Variants in FRMD6 observed in about 807,000 individuals in gnomAD.
FRMD6 encodes FERM domain-containing protein 6.
FRMD6 carries 37 observed loss-of-function variants against 73.2 expected under a neutral mutation model. That is an observed-to-expected ratio of 0.51 (90% confidence interval 0.39 to 0.66). FRMD6 has a LOEUF of 0.66. Ranked by LOEUF, FRMD6 falls within the 30% of genes least tolerant of loss-of-function variation. The pLI is 0.00. For missense variants in FRMD6, 714 were observed against 780.5 expected (o/e 0.91, Z 1.02); for synonymous variants, 273 against 282.2 (o/e 0.97, Z 0.33).
intron 2 of FRMD6, among the ~76,000 whole-genome samples, chr14:51,577,334 T>C (rs1393432546): frequency 6.6e-6 from 1 of 152,152 alleles, no homozygotes; most frequent in Non-Finnish European, 1.5e-5. Flanking sequence ...CTCAGCACTA[T>C]GGTTCTTACC....
chr14:51,586,727 A>G (rs1596662152), intron 2 of FRMD6, among the ~76,000 whole-genome samples: 1 of 54,854 alleles, frequency 1.8e-5, no homozygotes, highest in Non-Finnish European at 3.3e-5. Context: ...TCAGGTCTTT[A>G]CTTTATCTTA....
intron 1 of FRMD6, among the ~76,000 whole-genome samples, chr14:51,675,299 A>T (rs1417105656): frequency 6.6e-6 from 1 of 152,092 alleles, no homozygotes; most frequent in Admixed American, 6.6e-5. Context: ...TCTTGGATCC[A>T]TGTTTCTATG....
At chr14:51,470,297 T>C in the FRMD6 span, among the ~76,000 whole-genome samples, 1 of 152,168 alleles carries the variant, frequency 6.6e-6, no homozygotes, top group African/African-American at 2.4e-5. Context: ...GGTGGGCAGA[T>C]CACAAGGTCG....
At chr14:51,556,047 T>C (rs17586050) in intron 1 of FRMD6, among the ~76,000 whole-genome samples, 28,643 of 152,106 alleles carry the variant, frequency 0.19, 2,849 homozygotes, top group Middle Eastern at 0.31. Context: ...CCTTCAAAAC[T>C]AGGGCTAAGT....
At chr14:51,454,325 C>A in the FRMD6 span, among the ~76,000 whole-genome samples, 1 of 152,212 alleles carries the variant, frequency 6.6e-6, no homozygotes, top group East Asian at 1.9e-4. Context: ...TTGGTCAATG[C>A]AGAAAAAATA....
chr14:51,490,616 T>TTGTGTGTGTGTGTGTGTG (rs58046471), intron 1 of FRMD6, among the ~76,000 whole-genome samples: 5,016 of 148,058 alleles, frequency 0.034, 119 homozygotes, highest in Non-Finnish European at 0.046. Context: ...TGTGTGTATT[T>TTGTGTGTGTGTGTGTGTG]TGTGTGTGTG....
chr14:51,467,181 G>T, the FRMD6 span, among the ~76,000 whole-genome samples: 4 of 152,148 alleles, frequency 2.6e-5, no homozygotes. Context: ...TAAGGAGCAT[G>T]CTGCCTTCAA....
intron 2 of FRMD6, among the ~76,000 whole-genome samples, chr14:51,644,335 ATT>A: frequency 6.7e-6 from 1 of 149,060 alleles, no homozygotes; most frequent in East Asian, 1.9e-4. Context: ...TGCATCTCAG[ATT>A]TCTCTGCCTC....
chr14:51,414,030 C>T, the FRMD6 span, among the ~76,000 whole-genome samples: 1,411 of 152,130 alleles, frequency 9.3e-3, 22 homozygotes, highest in African/African-American at 0.032. Flanking sequence ...TTTGTTTAAG[C>T]CCTTTGTAGA....
intron 4 of FRMD6, among the ~76,000 whole-genome samples, chr14:51,701,961 G>A (rs1458658700): frequency 6.6e-6 from 1 of 151,970 alleles, no homozygotes; most frequent in Non-Finnish European, 1.5e-5. Context: ...AATTCACCTC[G>A]TGTTTCCAGA....
upstream of FRMD6, chr14:51,650,564 T>A (rs1241613767): frequency 6.6e-6 from 1 of 151,010 alleles, no homozygotes; most frequent in African/African-American, 2.4e-5. Flanking sequence ...CCCGGCTAAT[T>A]TTTTGTATTT....
chr14:51,545,605 A>G (rs988594291), intron 1 of FRMD6, among the ~76,000 whole-genome samples: 2 of 152,104 alleles, frequency 1.3e-5, no homozygotes, highest in Non-Finnish European at 2.9e-5. Context: ...GAGCCATTTT[A>G]CCAGCACACC....
intron 2 of FRMD6, among the ~76,000 whole-genome samples, chr14:51,608,434 A>C (rs11626565): frequency 0.1 from 15,585 of 152,234 alleles, 1,074 homozygotes; most frequent in Non-Finnish European, 0.15. Context: ...GTGAAGCTTA[A>C]GTAAGAGAAT....
intron 2 of FRMD6, among the ~76,000 whole-genome samples, chr14:51,586,793 G>C (rs1476392816): frequency 6.6e-6 from 1 of 151,774 alleles, no homozygotes; most frequent in East Asian, 1.9e-4. Context: ...ACCCAGGCTG[G>C]AGTGCAGTGG....
chr14:51,549,380 G>T (rs144967579), intron 1 of FRMD6, among the ~76,000 whole-genome samples: 4 of 152,072 alleles, frequency 2.6e-5, no homozygotes, highest in Non-Finnish European at 2.9e-5. Flanking sequence ...TACATGGCAG[G>T]CTAACAAAGT....
the FRMD6 span, among the ~76,000 whole-genome samples, chr14:51,479,574 A>G: frequency 6.6e-6 from 1 of 152,238 alleles, no homozygotes; most frequent in Non-Finnish European, 1.5e-5. Context: ...CTTCATCTGC[A>G]AAACAGGAAT....
At chr14:51,610,025 G>A (rs1890423339) in intron 2 of FRMD6, among the ~76,000 whole-genome samples, 1 of 152,118 alleles carries the variant, frequency 6.6e-6, no homozygotes, top group Admixed American at 6.5e-5. Flanking sequence ...TGTGGCTATA[G>A]AGTCATTTCT....
chr14:51,532,587 C>T (rs1885653161), intron 1 of FRMD6, among the ~76,000 whole-genome samples: 1 of 152,064 alleles, frequency 6.6e-6, no homozygotes, highest in African/African-American at 2.4e-5. Context: ...GCCAATTTTC[C>T]ACCCAGGTGG....
chr14:51,404,141 T>A, the FRMD6 span, among the ~76,000 whole-genome samples: 10 of 152,316 alleles, frequency 6.6e-5, no homozygotes, highest in Non-Finnish European at 1.3e-4. Context: ...TACTATTGCA[T>A]TGTAGTTTTA....
Sources: allele counts gnomAD v4.1 joint callset (sites outside exome capture counted in the v4.1 genomes callset), GRCh38; gene constraint gnomAD v4.1.1; transcripts MANE v1.5; gene names NCBI Gene and HGNC (gene_info 2026-07-23, HGNC 2026-07-21).